Variants in FOCAD observed in about 807,000 individuals in gnomAD.
FOCAD encodes the protein KIAA1797.
FOCAD carries 198 observed loss-of-function variants against 225.6 expected under a neutral mutation model. The observed-to-expected ratio is 0.88, with a 90% confidence interval of 0.78 to 0.99. FOCAD has a LOEUF of 0.99. Ranked by LOEUF, FOCAD falls within the 50% of genes least tolerant of loss-of-function variation. FOCAD has a pLI of 0.00. For missense variants in FOCAD, 2,713 were observed against 2,123.6 expected, an observed-to-expected ratio of 1.28 and a Z score of -5.46; for synonymous variants, 897 against 755.0, an observed-to-expected ratio of 1.19 and a Z score of -3.08.
chr9:20,714,150 AT>A (rs989856060), intron 1 of FOCAD, among the ~76,000 whole-genome samples: 61 of 151,674 alleles, frequency 4.0e-4, no homozygotes, highest in African/African-American at 1.3e-3. Flanking sequence ...TAAAAAAAAA[AT>A]TTTTTTTTGG....
intron 12 of FOCAD, 146 bp downstream of exon 12, chr9:20,820,046 A>G (rs537414089): frequency 2.5e-5 from 13 of 522,620 alleles, no homozygotes; most frequent in Non-Finnish European, 4.1e-5. Flanking sequence ...ATCTAAAGAC[A>G]AAAGTATTTA....
Position 20,939,882 on chromosome 9 carries a change from C to T in FOCAD, c.3408-4745C>T, listed in dbSNP as rs547737158. ...CTCGTCATTTACATTAGGCGTATCT[C>T]CTAATGCTATCCCTCCCCCCTCCCT... is the stretch of plus-strand genomic sequence containing the variant. On this transcript the variant is annotated intron_variant, in intron 28 of 43. Transcript: ENST00000338382. Among the ~76,000 whole-genome samples the T allele has an allele frequency of 7.9e-4, 119 of 150,746 alleles. 1 individual carries two copies. Among genetic ancestry groups the T allele is most frequent in the Middle Eastern group, 6.8e-3 (2 of 294 alleles).
chr9:20,966,783 A>G (rs1839298107), intron 35 of FOCAD, among the ~76,000 whole-genome samples: 1 of 152,070 alleles, frequency 6.6e-6, no homozygotes, highest in Non-Finnish European at 1.5e-5. Context: ...TCTTTCCCCC[A>G]TTGAAGGATC....
At chr9:20,991,535 G>A (rs892548469) in intron 42 of FOCAD, among the ~76,000 whole-genome samples, 9 of 152,054 alleles carry the variant, frequency 5.9e-5, no homozygotes, top group African/African-American at 2.2e-4. Context: ...AATTTTGGCT[G>A]GGCACAGTGG....
intron 36 of FOCAD, among the ~76,000 whole-genome samples, chr9:20,977,876 G>A (rs1005427478): frequency 1.3e-5 from 2 of 152,144 alleles, no homozygotes; most frequent in African/African-American, 4.8e-5. Flanking sequence ...AGTCCTTAGA[G>A]AAAGGAAGGA....
rs71334555 is a variant in FOCAD at position 20,815,137 on chromosome 9, G to GTTT, written c.1456-4644_1456-4642dup. On this transcript the variant is annotated intron_variant, in intron 11 of 43. Transcript: ENST00000338382. ...TACTTCTCTTTGTTTTTTTTTTTTT[G>GTTT]TTTTTTTTTTTTTTTTTGAGACAGT... is the stretch of plus-strand genomic sequence containing the variant. 8.7e-4 allele frequency among the ~76,000 whole-genome samples: 60 copies of GTTT among 69,142 alleles called. 4 individuals are homozygous for GTTT. Among genetic ancestry groups the GTTT allele is most frequent in the African/African-American group, 3.6e-3 (59 of 16,588 alleles). 45.4% of individuals were successfully genotyped at this position (69,142 alleles called of 152,430 possible).
chr9:20,714,876 G>A (rs771343251), intron 1 of FOCAD, among the ~76,000 whole-genome samples: 32 of 152,182 alleles, frequency 2.1e-4, no homozygotes, highest in African/African-American at 7.2e-4. Flanking sequence ...GTTCACCTAG[G>A]CTTCACACTT....
At chr9:20,775,872 A>C (rs2131052008) in intron 8 of FOCAD, among the ~76,000 whole-genome samples, 1 of 151,840 alleles carries the variant, frequency 6.6e-6, no homozygotes. Context: ...ATTTTTTAAA[A>C]TTTCCTTATT....
intron 2 of FOCAD, among the ~76,000 whole-genome samples, chr9:20,664,661 T>C (rs918500391): frequency 1.3e-5 from 2 of 149,266 alleles, no homozygotes; most frequent in Non-Finnish European, 3.0e-5. Flanking sequence ...TTTTTTCTCA[T>C]GGAGATGAGG....
intron 15 of FOCAD, among the ~76,000 whole-genome samples, chr9:20,832,244 G>A (rs1401305302): frequency 1.3e-5 from 2 of 151,902 alleles, no homozygotes; most frequent in Non-Finnish European, 2.9e-5. Flanking sequence ...ATGCTTAACT[G>A]TTTTGAGGAA....
At chr9:20,835,163 T>C (rs949271551) in intron 15 of FOCAD, among the ~76,000 whole-genome samples, 4 of 152,110 alleles carry the variant, frequency 2.6e-5, no homozygotes, top group Admixed American at 6.6e-5. Context: ...TACAGTATGT[T>C]ATTCTACTTC....
intron 15 of FOCAD, among the ~76,000 whole-genome samples, chr9:20,857,851 A>G (rs1305980927): frequency 6.8e-6 from 1 of 147,536 alleles, no homozygotes; most frequent in East Asian, 2.0e-4. Flanking sequence ...AGTTGAAATG[A>G]TCATATGGTC....
chr9:20,747,859 T>G (rs1828189942), intron 5 of FOCAD, among the ~76,000 whole-genome samples: 1 of 151,628 alleles, frequency 6.6e-6, no homozygotes, highest in African/African-American at 2.4e-5. Flanking sequence ...ATTTTAAAGG[T>G]AAACTACTTT....
At chr9:20,893,124 C>T (rs1156293299) in intron 21 of FOCAD, among the ~76,000 whole-genome samples, 2 of 152,082 alleles carry the variant, frequency 1.3e-5, no homozygotes, top group Non-Finnish European at 2.9e-5. Flanking sequence ...CTCCTGGGCC[C>T]AAGGGATCCT....
intron 4 of FOCAD, among the ~76,000 whole-genome samples, chr9:20,722,850 C>A (rs1825894236): frequency 6.6e-6 from 1 of 151,970 alleles, no homozygotes. Flanking sequence ...TTTTGCCCCC[C>A]ACCCCACATA....
intron 4 of FOCAD, among the ~76,000 whole-genome samples, chr9:20,720,984 T>G (rs1041040603): frequency 3.3e-5 from 5 of 152,206 alleles, no homozygotes; most frequent in South Asian, 4.1e-4. Context: ...TTTAGGGATG[T>G]CTTCCCCCTG....
chr9:20,789,423 G>C lies in FOCAD; in HGVS notation c.1270G>C (p.Val424Leu), dbSNP rs1196167920. The C allele has an allele frequency of 6.2e-7, 1 of 1,614,076 alleles. No individual in the cohort carries two copies. Among genetic ancestry groups the C allele is most frequent in the South Asian group, 1.1e-5 (1 of 91,072 alleles). ...TIFTAWRILEVMTDSSAASDW... is the reference protein window; with the variant it reads ...TIFTAWRILELMTDSSAASDW... The stretch of plus-strand genomic sequence containing the variant: ...ATTTACAGCCTGGAGGATTCTTGAA[G>C]TAATGACAGACTCGTCTGCTGCAAG... The change falls in exon 11 of 44, where the codon GTA (valine) becomes CTA (leucine). Residue 424 changes from valine (V) to leucine (L), a missense_variant. Transcript: ENST00000338382.
At chr9:20,824,541 G>C (rs1449042156) in intron 15 of FOCAD, among the ~76,000 whole-genome samples, 3 of 152,002 alleles carry the variant, frequency 2.0e-5, no homozygotes, top group African/African-American at 7.2e-5. Flanking sequence ...GAAATACCCT[G>C]AGTTTGGCAC....
intron 24 of FOCAD, among the ~76,000 whole-genome samples, chr9:20,921,645 G>T (rs940720609): frequency 6.6e-6 from 1 of 152,116 alleles, no homozygotes; most frequent in South Asian, 2.1e-4. Flanking sequence ...AGTGGACTAG[G>T]TTTTTAATTC....
Sources: gnomAD v4.1 joint callset for allele counts (sites outside exome capture counted in the v4.1 genomes callset) on GRCh38, gnomAD v4.1.1 for gene constraint, MANE v1.5 for transcripts, NCBI Gene and HGNC (gene_info 2026-07-23, HGNC 2026-07-21) for gene names.